The following HKDC1 variants were observed in gnomAD, a reference collection of about 807,000 sequenced individuals.
HKDC1 encodes hexokinase domain containing 1.
In HKDC1, 66 loss-of-function variants were observed where a neutral mutation model predicts 96.6. That is an observed-to-expected ratio of 0.68 (90% CI 0.56 to 0.84). The LOEUF (loss-of-function observed/expected upper bound fraction) is 0.84. Among genes scored for constraint, HKDC1 ranks in the 40% least tolerant of loss-of-function variants. The pLI is 0.00. For synonymous variants in HKDC1, 466 were observed against 473.1 expected, an observed-to-expected ratio of 0.98 and a Z score of 0.20; for missense variants, 1,211 against 1,208.1, an observed-to-expected ratio of 1.00 and a Z score of -0.04.
chr10:69,222,607 C>T (rs896190050), intron 1 of HKDC1, among the ~76,000 whole-genome samples: 21 of 152,190 alleles, frequency 1.4e-4, no homozygotes, highest in African/African-American at 4.8e-4. Context: ...TGTCCAACAG[C>T]CCTGGTGCAG....
chr10:69,251,087 C>CTT lies in HKDC1; in HGVS notation c.1836+458_1836+459dup, dbSNP rs869084452. Among the ~76,000 whole-genome samples the CTT allele has an allele frequency of 9.2e-3, 855 of 92,596 alleles. 2 individuals carry two copies. The highest frequency in any genetic ancestry group is 0.013 in the East Asian group (40 of 3,132). The allele number at this position is 92,596 out of a possible 152,430, so 60.7% of individuals were successfully genotyped here. ...CCAGCACATCACAAGAAATACATTT[C>CTT]TTTTTTTTTTTTTTTTTTTTTTTTG... is the stretch of plus-strand genomic sequence containing the variant. On this transcript the variant is annotated intron_variant, in intron 12 of 17. Transcript: ENST00000354624.
At position 69,233,003 on chromosome 10, in the gene HKDC1, C is replaced by A. The variant is rs774808524; in HGVS notation, c.376-11C>A. 6.2e-7 allele frequency: 1 copy of A among 1,613,840 alleles called. No individual in the cohort carries two copies. Among genetic ancestry groups the A allele is most frequent in the Non-Finnish European group, 8.5e-7 (1 of 1,180,046 alleles). On this transcript the variant is annotated splice_polypyrimidine_tract_variant and intron_variant, in intron 3 of 17. Coordinates refer to ENST00000354624, the MANE Select transcript of HKDC1 (RefSeq NM_025130.4). ...CCTTAGCCCATGTACTTTGCTTTCT[C>A]TTCTCTGCAGCTGTTTGAATATGTA...
At chr10:69,234,117 G>A (rs1179608073) in intron 4 of HKDC1, among the ~76,000 whole-genome samples, 1 of 152,104 alleles carries the variant, frequency 6.6e-6, no homozygotes, top group Admixed American at 6.6e-5. Flanking sequence ...GCCAGGTTGG[G>A]GGAGTTACTG....
intron 1 of HKDC1, among the ~76,000 whole-genome samples, chr10:69,220,806 GA>G (rs929244404): frequency 6.6e-6 from 1 of 152,194 alleles, no homozygotes; most frequent in African/African-American, 2.4e-5. Context: ...TGTTTGCTCG[GA>G]AAGGCCACAA....
intron 2 of HKDC1, 47 bp from the exon 3 acceptor site, chr10:69,232,717 C>T: frequency 6.4e-7 from 1 of 1,563,234 alleles, no homozygotes; most frequent in South Asian, 1.1e-5. Context: ...CTTGCCATAT[C>T]TGTAGTAGAC....
intron 2 of HKDC1, among the ~76,000 whole-genome samples, chr10:69,231,703 C>A (rs1250265491): frequency 1.3e-5 from 2 of 152,206 alleles, no homozygotes; most frequent in African/African-American, 4.8e-5. Flanking sequence ...CACCGTCTTT[C>A]ATCTGCGCAT....
chr10:69,227,131 G>T, intron 1 of HKDC1, 76 bp from the exon 2 acceptor site: 1 of 1,511,832 alleles, frequency 6.6e-7, no homozygotes, highest in Non-Finnish European at 9.1e-7. Context: ...CTTGCTGAGG[G>T]ATGTCGGGGG....
Position 69,266,789 on chromosome 10 carries a change from G to GAT in HKDC1, c.*34_*35dup. On this transcript the variant is annotated 3_prime_UTR_variant, in exon 18 of 18. Coordinates refer to ENST00000354624, the MANE Select transcript of HKDC1 (RefSeq NM_025130.4). ...CTGGGATTGGACCTGATGCATCTTG[G>GAT]ATACTGAACAGCTTTTCCTCTGGCA... 6.3e-7 allele frequency: 1 copy of GAT among 1,596,000 alleles called. No individual in the cohort carries two copies. The highest frequency in any genetic ancestry group is 8.5e-7 in the Non-Finnish European group (1 of 1,171,052).
chr10:69,248,364 G>T lies in HKDC1; in HGVS notation c.1266-60G>T, dbSNP rs536864547. 6.0e-6 allele frequency: 9 copies of T among 1,500,568 alleles called. No individual in the cohort carries two copies. In the Admixed American group the frequency reaches 2.0e-4, roughly 33 times the overall value. 93.0% of individuals were successfully genotyped at this position (1,500,568 alleles called of 1,614,324 possible). The stretch of plus-strand genomic sequence containing the variant: ...GGACTGGGTTTACTGCTGCCCCTGG[G>T]TCTGTGCCTGAGCCTGGCCTTTATG... On this transcript the variant is annotated intron_variant, in intron 9 of 17. Coordinates refer to ENST00000354624, the MANE Select transcript of HKDC1 (RefSeq NM_025130.4).
rs869084452 is a variant in HKDC1 at position 69,251,087 on chromosome 10, CTTTT to C, written c.1836+456_1836+459del. On this transcript the variant is annotated intron_variant, in intron 12 of 17. Coordinates refer to ENST00000354624, the MANE Select transcript of HKDC1 (RefSeq NM_025130.4). ...CCAGCACATCACAAGAAATACATTT[CTTTT>C]TTTTTTTTTTTTTTTTTTTTGAGAC... Among the ~76,000 whole-genome samples the C allele has an allele frequency of 7.5e-3, 697 of 92,656 alleles. 5 individuals carry two copies. The highest frequency in any genetic ancestry group is 0.021 in the African/African-American group (487 of 23,644). 60.8% of individuals were successfully genotyped at this position (92,656 alleles called of 152,430 possible).
At chr10:69,223,744 C>T (rs1471930356) in intron 1 of HKDC1, among the ~76,000 whole-genome samples, 2 of 150,752 alleles carry the variant, frequency 1.3e-5, no homozygotes, top group East Asian at 2.0e-4. Context: ...ACCACCACGC[C>T]CAGCTAATTT....
At chr10:69,243,423 G>A in intron 7 of HKDC1, 58 bp downstream of exon 7, 1 of 1,427,678 alleles carries the variant, frequency 7.0e-7, no homozygotes, top group Non-Finnish European at 9.3e-7. Context: ...TAATCACTCA[G>A]GTCCCCTGGC....
intron 6 of HKDC1, among the ~76,000 whole-genome samples, chr10:69,241,142 G>A (rs1843451298): frequency 6.6e-6 from 1 of 152,236 alleles, no homozygotes; most frequent in Non-Finnish European, 1.5e-5. Context: ...GCCTCTCTGA[G>A]GGGTGGCATT....
Position 69,248,568 on chromosome 10 carries a change from C to A in HKDC1, c.1410C>A (p.Ile470=). Residue 470 remains isoleucine, a synonymous_variant, in exon 10 of 18, where the codon ATC becomes ATA. Transcript: ENST00000354624. ...ASRVQAQRKQ[I]DRVLALFQLT... Reference sequence around the variant, plus strand: ...GCGTGCAGGCCCAGCGGAAGCAGATCGACAGGGTGCTGGCTTTGTTCCAGC... The same window carrying A: ...GCGTGCAGGCCCAGCGGAAGCAGATAGACAGGGTGCTGGCTTTGTTCCAGC... The A allele has an allele frequency of 6.2e-7, 1 of 1,614,096 alleles. No individual in the cohort carries two copies. The highest frequency in any genetic ancestry group is 8.5e-7 in the Non-Finnish European group (1 of 1,180,026).
At chr10:69,266,395 C>T (rs545743809) in intron 17 of HKDC1, among the ~76,000 whole-genome samples, 4 of 150,942 alleles carry the variant, frequency 2.7e-5, no homozygotes, top group Non-Finnish European at 5.9e-5. Flanking sequence ...CCTGGGAACT[C>T]GAGGCTGCAG....
At position 69,265,813 on chromosome 10, in the gene HKDC1, C is replaced by A. The variant is rs770536792; in HGVS notation, c.2601C>A (p.His867Gln). 3.7e-6 allele frequency: 6 copies of A among 1,610,358 alleles called. No individual in the cohort carries two copies. Among genetic ancestry groups the A allele is most frequent in the Non-Finnish European group, 5.1e-6 (6 of 1,178,042 alleles). ...TGGACGGCACCCTGTACAAGCTGCA[C>A]CCTCAGTGAGTGCCCACAAGAGGCG... ...VGVDGTLYKL[H>Q]PHFSRILQET... Residue 867 changes from histidine to glutamine, a missense_variant, in exon 17 of 18, where the codon CAC becomes CAA. Transcript: ENST00000354624.
At chr10:69,229,526 G>T (rs894637399) in intron 2 of HKDC1, among the ~76,000 whole-genome samples, 3 of 152,182 alleles carry the variant, frequency 2.0e-5, no homozygotes, top group Non-Finnish European at 4.4e-5. Context: ...CATGTGGGGA[G>T]CACCAGGGCT....
intron 4 of HKDC1, among the ~76,000 whole-genome samples, chr10:69,235,594 T>G (rs1404131722): frequency 6.6e-6 from 1 of 152,142 alleles, no homozygotes; most frequent in Non-Finnish European, 1.5e-5. Flanking sequence ...GATCCTGTAG[T>G]GCAGGTGGTG....
chr10:69,251,689 G>A (rs1444986884), intron 12 of HKDC1, among the ~76,000 whole-genome samples: 3 of 151,406 alleles, frequency 2.0e-5, no homozygotes, highest in Admixed American at 6.6e-5. Flanking sequence ...CAGAGTAAAA[G>A]TCTATACTTC....
Sources: gnomAD v4.1 joint callset for allele counts (sites outside exome capture counted in the v4.1 genomes callset) on GRCh38, gnomAD v4.1.1 for gene constraint, MANE v1.5 for transcripts, NCBI Gene and HGNC (gene_info 2026-07-23, HGNC 2026-07-21) for gene names.